Variants in ITPK1 observed in about 807,000 individuals in gnomAD.
ITPK1 encodes the protein inositol-tetrakisphosphate 1-kinase.
ITPK1 carries 21 observed loss-of-function variants against 45.3 expected under a neutral mutation model. That is an observed-to-expected ratio of 0.46 (90% CI 0.33 to 0.67). The LOEUF (loss-of-function observed/expected upper bound fraction) is 0.67. Among genes scored for constraint, ITPK1 ranks in the 30% least tolerant of loss-of-function variants. The pLI is 0.02. For missense variants in ITPK1, 474 were observed against 573.5 expected, an observed-to-expected ratio of 0.83 and a Z score of 1.77; for synonymous variants, 258 against 253.6, an observed-to-expected ratio of 1.02 and a Z score of -0.16.
chr14:92,944,646 G>T (rs1345242426), intron 10 of ITPK1, among the ~76,000 whole-genome samples: 1 of 152,042 alleles, frequency 6.6e-6, no homozygotes, highest in Non-Finnish European at 1.5e-5. Flanking sequence ...AGCCACTGAC[G>T]TTGTCCCCTT....
chr14:93,013,559 C>A (rs1009433164), intron 4 of ITPK1, among the ~76,000 whole-genome samples: 3 of 152,174 alleles, frequency 2.0e-5, no homozygotes, highest in Admixed American at 2.0e-4. Flanking sequence ...CCCCAAACCA[C>A]TTCCTCCTCC....
chr14:92,991,287 T>C (rs1461879083), intron 5 of ITPK1, among the ~76,000 whole-genome samples: 1 of 152,050 alleles, frequency 6.6e-6, no homozygotes, highest in African/African-American at 2.4e-5. Flanking sequence ...TGCTGGTGAA[T>C]GGACAGCCAC....
chr14:93,029,515 G>A (rs1183545666), intron 3 of ITPK1, among the ~76,000 whole-genome samples: 14 of 152,120 alleles, frequency 9.2e-5, no homozygotes, highest in Non-Finnish European at 2.9e-5. Flanking sequence ...CGAGCCACCC[G>A]AGCTTCAGCC....
intron 3 of ITPK1, among the ~76,000 whole-genome samples, chr14:93,035,663 C>T (rs1343420453): frequency 6.6e-6 from 1 of 152,200 alleles, no homozygotes; most frequent in Non-Finnish European, 1.5e-5. Context: ...GAGTGGGAGG[C>T]AGTGGTCTAC....
chr14:92,986,061 G>T (rs1886470839), intron 5 of ITPK1, among the ~76,000 whole-genome samples: 10 of 152,180 alleles, frequency 6.6e-5, no homozygotes, highest in Admixed American at 6.5e-4. Context: ...GGGTCCCATG[G>T]AGACAGCACT....
intron 5 of ITPK1, among the ~76,000 whole-genome samples, chr14:92,990,429 C>G (rs1340262465): frequency 6.6e-6 from 1 of 152,192 alleles, no homozygotes; most frequent in Non-Finnish European, 1.5e-5. Context: ...GGATGGCCTT[C>G]CTCTGGGCTT....
At chr14:93,099,894 T>G (rs1566785879) in intron 2 of ITPK1, among the ~76,000 whole-genome samples, 1 of 152,190 alleles carries the variant, frequency 6.6e-6, no homozygotes, top group Non-Finnish European at 1.5e-5. Flanking sequence ...GGACTCTGTG[T>G]GCGAACCCTC....
At chr14:92,981,530 C>A (rs1886228882) in intron 5 of ITPK1, among the ~76,000 whole-genome samples, 1 of 152,202 alleles carries the variant, frequency 6.6e-6, no homozygotes, top group African/African-American at 2.4e-5. Flanking sequence ...AGCCCATGAC[C>A]CCACCTGCCC....
At chr14:93,097,875 G>A (rs540621400) in intron 2 of ITPK1, among the ~76,000 whole-genome samples, 30 of 152,222 alleles carry the variant, frequency 2.0e-4, no homozygotes, top group Admixed American at 1.8e-3. Flanking sequence ...CAGGCATGGT[G>A]GCAGGTGCCT....
rs146537349 is a variant in ITPK1, at chr14:92,980,780, A to G, written c.364+13100T>C. 5.2e-3 allele frequency among the ~76,000 whole-genome samples: 788 copies of G among 152,170 alleles called. 7 individuals carry two copies. The highest frequency in any genetic ancestry group is 0.018 in the African/African-American group (760 of 41,512). On this transcript the variant is annotated intron_variant, in intron 5 of 10. Transcript: ENST00000267615. ...AACCTCCGCCTCCCAGGTTCAAGCA[A>G]TTCTCCTGCTTCAGCCTCCCAAGTT...
chr14:93,101,943 A>G (rs982480275), intron 2 of ITPK1, among the ~76,000 whole-genome samples: 3 of 152,228 alleles, frequency 2.0e-5, no homozygotes, highest in African/African-American at 7.2e-5. Context: ...GTTAGCGCTC[A>G]GCACCATGTC....
intron 5 of ITPK1, among the ~76,000 whole-genome samples, chr14:92,983,943 C>T (rs1238321551): frequency 6.6e-6 from 1 of 152,178 alleles, no homozygotes; most frequent in Non-Finnish European, 1.5e-5. Flanking sequence ...TCCCCCTCAT[C>T]TTCATGGGCT....
intron 3 of ITPK1, among the ~76,000 whole-genome samples, chr14:93,019,692 G>A (rs1888370512): frequency 6.6e-6 from 1 of 152,124 alleles, no homozygotes. Flanking sequence ...CAAACAGGCT[G>A]CGGTCTCCCT....
intron 2 of ITPK1, among the ~76,000 whole-genome samples, chr14:93,094,728 G>C (rs1403058082): frequency 6.6e-6 from 1 of 152,216 alleles, no homozygotes; most frequent in Non-Finnish European, 1.5e-5. Context: ...TCACAGCGTG[G>C]GGACGGGACC....
At chr14:92,945,131 C>A (rs888908156) in intron 10 of ITPK1, among the ~76,000 whole-genome samples, 1 of 152,232 alleles carries the variant, frequency 6.6e-6, no homozygotes, top group Non-Finnish European at 1.5e-5. Context: ...GTGAGCTCTC[C>A]CCAGGCAGGG....
At chr14:93,066,231 G>A (rs774314345) in intron 3 of ITPK1, 2 of 455,912 alleles carry the variant, frequency 4.4e-6, no homozygotes, top group South Asian at 1.5e-5. Flanking sequence ...GCTCCTCAGA[G>A]ACCAGCAAGT....
intron 5 of ITPK1, among the ~76,000 whole-genome samples, chr14:92,963,580 C>A (rs974047670): frequency 3.3e-5 from 5 of 152,206 alleles, no homozygotes; most frequent in African/African-American, 1.2e-4. Flanking sequence ...CGCGCCTGGT[C>A]CCCCTGCCAA....
chr14:93,047,541 G>A (rs540380721), intron 3 of ITPK1, among the ~76,000 whole-genome samples: 19 of 152,330 alleles, frequency 1.2e-4, no homozygotes, highest in African/African-American at 4.6e-4. Flanking sequence ...AGTGGGGATG[G>A]AGGCAGAGAC....
chr14:93,000,667 C>G (rs989185103), intron 4 of ITPK1, among the ~76,000 whole-genome samples: 1 of 152,162 alleles, frequency 6.6e-6, no homozygotes, highest in South Asian at 2.1e-4. Flanking sequence ...CACCTGAAAG[C>G]TAAACGTTAG....
Sources: gnomAD v4.1 joint callset for allele counts (sites outside exome capture counted in the v4.1 genomes callset) on GRCh38, gnomAD v4.1.1 for gene constraint, MANE v1.5 for transcripts, NCBI Gene and HGNC (gene_info 2026-07-23, HGNC 2026-07-21) for gene names.